The following KLRF2 variants were observed in gnomAD, a reference collection of about 807,000 sequenced individuals.
KLRF2 encodes killer cell lectin-like receptor subfamily F member 2.
A neutral mutation model predicts 25.3 loss-of-function variants in KLRF2; 28 were observed. That is an observed-to-expected ratio of 1.11 (90% CI 0.82 to 1.52). The LOEUF (loss-of-function observed/expected upper bound fraction) is 1.52. Among genes scored for constraint, KLRF2 ranks in the 40% most tolerant of loss-of-function variants. KLRF2 has a pLI of 0.00. For missense variants in KLRF2, 265 were observed against 245.8 expected (o/e 1.08, Z -0.52); for synonymous variants, 73 against 85.0 (o/e 0.86, Z 0.78).
At chr12:9,887,724 GTTTT>G (rs79181089) in intron 2 of KLRF2, among the ~76,000 whole-genome samples, 1 of 133,520 alleles carries the variant, frequency 7.5e-6, no homozygotes, top group African/African-American at 2.7e-5. Context: ...GGTCAAAAGA[GTTTT>G]TTTTTTTTTT....
In KLRF2 at chr12:9,884,235, A is replaced by G. The variant is rs113237957; in HGVS notation, c.71-699A>G. 6.2e-3 allele frequency among the ~76,000 whole-genome samples: 949 copies of G among 152,190 alleles called. 9 individuals carry two copies. Among genetic ancestry groups the G allele is most frequent in the African/African-American group, 0.022 (918 of 41,574 alleles). On this transcript the variant is annotated intron_variant, in intron 1 of 5. Coordinates refer to ENST00000535540, the MANE Select transcript of KLRF2 (RefSeq NM_001190765.1). ...AGAGATTACTTGTTTATTCCTTTATAAGGAAGCTATTCTTGCCAACTCTAA... is the reference window on the plus strand; with the variant it reads ...AGAGATTACTTGTTTATTCCTTTATGAGGAAGCTATTCTTGCCAACTCTAA...
chr12:9,882,835 C>T (rs192214836), intron 1 of KLRF2, among the ~76,000 whole-genome samples: 1 of 152,084 alleles, frequency 6.6e-6, no homozygotes, highest in Non-Finnish European at 1.5e-5. Flanking sequence ...AAATGTATGG[C>T]TCTGGGCAGA....
chr12:9,894,120 T>TTTTC (rs747130806), intron 5 of KLRF2, among the ~76,000 whole-genome samples: 1,745 of 108,740 alleles, frequency 0.016, 45 homozygotes, highest in African/African-American at 0.062. Context: ...TTTTTCTTTC[T>TTTTC]TTTCTTTCTC....
At chr12:9,895,023 G>T (rs1443350561) in intron 5 of KLRF2, among the ~76,000 whole-genome samples, 3 of 152,108 alleles carry the variant, frequency 2.0e-5, no homozygotes, top group Admixed American at 1.3e-4. Flanking sequence ...AGAAAGAATA[G>T]TTTACAAAAT....
chr12:9,881,632 A>G lies in KLRF2; in HGVS notation c.37A>G (p.Lys13Glu). 1 of 1,535,624 alleles carries G rather than the reference A, an allele frequency of 6.5e-7. No individual in the cohort carries two copies. Reference sequence around the variant, plus strand: ...AGATGGGTATATGACGCTGAGTTTCAAGAATCGTTGTAAATCGAAGCAGAA... The same window carrying G: ...AGATGGGTATATGACGCTGAGTTTCGAGAATCGTTGTAAATCGAAGCAGAA... ...NEDGYMTLSF[K>E]NRCKSKQKSK... Residue 13 changes from lysine to glutamate, a missense_variant, in exon 1 of 6, where the codon AAG (lysine) becomes GAG (glutamate). Transcript: ENST00000535540.
At chr12:9,885,615 CCTTTA>C (rs1487163586) in intron 2 of KLRF2, among the ~76,000 whole-genome samples, 4 of 151,864 alleles carry the variant, frequency 2.6e-5, no homozygotes, top group Non-Finnish European at 5.9e-5. Flanking sequence ...CGTAGAAGAT[CCTTTA>C]CTTCTTAATA....
intron 5 of KLRF2, among the ~76,000 whole-genome samples, chr12:9,894,126 T>TTCTCTCTCTCTCTCTCTCTCTC (rs141327204): frequency 5.4e-5 from 7 of 130,288 alleles, no homozygotes; most frequent in African/African-American, 1.2e-4. Flanking sequence ...TTTCTTTTCT[T>TTCTCTCTCTCTCTCTCTCTCTC]TCTCTCTCTC....
chr12:9,887,724 GT>G lies in KLRF2; in HGVS notation c.170-992del, dbSNP rs79181089. On this transcript the variant is annotated intron_variant, in intron 2 of 5. Coordinates refer to ENST00000535540, the MANE Select transcript of KLRF2 (RefSeq NM_001190765.1). ...GGAACTTGATGATATGGTCAAAAGA[GT>G]TTTTTTTTTTTTTTTTGGTCTGCAA... Among the ~76,000 whole-genome samples, 1,198 of 133,470 alleles carry G rather than the reference GT, an allele frequency of 9.0e-3. 3 individuals carry two copies. Among genetic ancestry groups the G allele is most frequent in the African/African-American group, 8.7e-3 (318 of 36,646 alleles). 87.6% of individuals were successfully genotyped at this position (133,470 alleles called of 152,430 possible).
chr12:9,885,981 T>C (rs1335272621), intron 2 of KLRF2, among the ~76,000 whole-genome samples: 1 of 152,120 alleles, frequency 6.6e-6, no homozygotes. Context: ...TAATTTCTTG[T>C]TAGACACTGA....
intron 1 of KLRF2, among the ~76,000 whole-genome samples, chr12:9,883,475 T>C (rs1868116538): frequency 6.6e-6 from 1 of 152,172 alleles, no homozygotes. Context: ...TACATGAAAA[T>C]ATTAATTTTT....
intron 2 of KLRF2, 94 bp downstream of exon 2, chr12:9,885,126 T>C: frequency 5.1e-6 from 2 of 394,962 alleles, no homozygotes; most frequent in Non-Finnish European, 8.7e-6. Context: ...TACACTGTAG[T>C]CCAAAACTGG....
In KLRF2 at chr12:9,894,066, TTTCTTTCTCTTTCTCTCTTC is replaced by T. The variant is rs1283837522; in HGVS notation, c.479+545_479+564del. Among the ~76,000 whole-genome samples the T allele has an allele frequency of 4.6e-5, 7 of 152,080 alleles. No homozygotes were observed. In the East Asian group the frequency reaches 1.2e-3, roughly 25 times the overall value. ...TCTTTCTTTCTTTCTCTTTCTCTTT[TTTCTTTCTCTTTCTCTCTTC>T]TTCTTTCTCTTTCTCTCTTTTTCTT... On this transcript the variant is annotated intron_variant, in intron 5 of 5. Transcript: ENST00000535540.
intron 3 of KLRF2, among the ~76,000 whole-genome samples, chr12:9,891,968 GC>G (rs1436807464): frequency 1.3e-5 from 2 of 152,084 alleles, no homozygotes; most frequent in African/African-American, 4.8e-5. Context: ...TCAACAATAA[GC>G]ATTTATTATA....
At position 9,882,056 on chromosome 12, in the gene KLRF2, G is replaced by A. The variant is rs895290897; in HGVS notation, c.70+391G>A. On this transcript the variant is annotated intron_variant, in intron 1 of 5. Transcript: ENST00000535540. ...TACATATATAATATTTTTAATCTTC[G>A]TAAAAGCCCTATAGGATTGGTAGAA... Among the ~76,000 whole-genome samples the A allele has an allele frequency of 4.6e-5, 7 of 151,182 alleles. No homozygotes were observed. In the East Asian group the frequency reaches 5.8e-4, roughly 13 times the overall value.
chr12:9,893,504 TG>T lies in KLRF2; in HGVS notation c.444del (p.Trp148Ter). On this transcript the variant is annotated frameshift_variant, in exon 5 of 6. Coordinates refer to ENST00000535540, the MANE Select transcript of KLRF2 (RefSeq NM_001190765.1). LOFTEE classifies it low-confidence loss of function (END_TRUNC). ...GLYVTFQGNL[W>X]MWIDEHFLVP... ...ATATGTTACATTCCAAGGGAACCTA[TG>T]GATGTGGATAGATGAACACTTTTTA... 1 of 1,520,090 alleles carries T rather than the reference TG, an allele frequency of 6.6e-7. No individual in the cohort carries two copies. The highest frequency in any genetic ancestry group is 8.8e-7 in the Non-Finnish European group (1 of 1,133,672). 94.2% of individuals were successfully genotyped at this position (1,520,090 alleles called of 1,614,324 possible).
At chr12:9,894,052 TTC>T (rs766648766) in intron 5 of KLRF2, among the ~76,000 whole-genome samples, 1 of 151,734 alleles carries the variant, frequency 6.6e-6, no homozygotes, top group Non-Finnish European at 1.5e-5. Flanking sequence ...CTTTCTTTCT[TTC>T]TCTTTCTCTT....
intron 3 of KLRF2, among the ~76,000 whole-genome samples, chr12:9,891,775 G>C (rs1408666331): frequency 3.3e-5 from 5 of 151,938 alleles, no homozygotes; most frequent in Admixed American, 3.3e-4. Flanking sequence ...CTAAATTTAG[G>C]TCATAATAAC....
chr12:9,892,484 TTCAC>T (rs1370619621), intron 3 of KLRF2, among the ~76,000 whole-genome samples: 4 of 152,106 alleles, frequency 2.6e-5, no homozygotes, highest in Admixed American at 2.6e-4. Flanking sequence ...GGGATCAGAA[TTCAC>T]AGGCTTTGTT....
rs2137007237 is a variant in KLRF2, at chr12:9,895,764, T to C, written c.555T>C (p.Cys185=). The change falls in exon 6 of 6, where the codon TGT becomes TGC. Residue 185 remains cysteine, a synonymous_variant. Transcript: ENST00000535540. ...ITGNWVYSED[C]SSTFKGICQR... ...GAAACTGGGTGTATTCTGAAGACTG[T>C]AGCTCCACATTTAAGGGCATTTGCC... is the stretch of plus-strand genomic sequence containing the variant. The C allele has an allele frequency of 2.0e-6, 3 of 1,535,876 alleles. No individual in the cohort carries two copies. Among genetic ancestry groups the C allele is most frequent in the African/African-American group, 2.7e-5 (2 of 73,152 alleles).
Sources: gnomAD v4.1 joint callset for allele counts (sites outside exome capture counted in the v4.1 genomes callset) on GRCh38, gnomAD v4.1.1 for gene constraint, MANE v1.5 for transcripts, NCBI Gene and HGNC (gene_info 2026-07-23, HGNC 2026-07-21) for gene names.